The following UNK variants were observed in gnomAD, a reference collection of about 807,000 sequenced individuals.
UNK encodes unk zinc finger.
UNK carries 32 observed loss-of-function variants against 97.6 expected under a neutral mutation model. The observed-to-expected ratio is 0.33, with a 90% confidence interval of 0.25 to 0.44. UNK has a LOEUF of 0.44. Ranked by LOEUF, UNK falls within the 20% of genes least tolerant of loss-of-function variation. UNK has a pLI of 1.00. For missense variants in UNK, 771 were observed against 1,098.4 expected, an observed-to-expected ratio of 0.70 and a Z score of 4.21; for synonymous variants, 441 against 461.2, an observed-to-expected ratio of 0.96 and a Z score of 0.56.
chr17:75,787,299 C>A (rs1042593080), intron 1 of UNK, among the ~76,000 whole-genome samples: 11 of 152,084 alleles, frequency 7.2e-5, no homozygotes, highest in Non-Finnish European at 1.6e-4. Flanking sequence ...GTAGCCTCGA[C>A]CTCCCTGGCT....
At position 75,819,867 on chromosome 17, in the gene UNK, G is replaced by C; in HGVS notation, c.1649-53G>C. ...TCAGGCCCCTTGCTCTGTGTGGCCC[G>C]CCTGGCTTCCGCTGCCCTCACCCAG... is the stretch of plus-strand genomic sequence containing the variant. On this transcript the variant is annotated intron_variant, in intron 12 of 15. Transcript: ENST00000589666. The surrounding 1 kb of genome is among the most constrained non-coding windows in gnomAD (Gnocchi z 5.4). 3 of 1,602,836 alleles carry C rather than the reference G, an allele frequency of 1.9e-6. No homozygotes were observed. In the South Asian group the frequency reaches 3.3e-5, roughly 18 times the overall value.
chr17:75,818,788 C>T lies in UNK; in HGVS notation c.1518C>T (p.Pro506=). 6.2e-7 allele frequency: 1 copy of T among 1,610,456 alleles called. No homozygotes were observed. The change falls in exon 11 of 16, where the codon CCC becomes CCT. Residue 506 remains proline (P), a synonymous_variant. Coordinates refer to ENST00000589666, the MANE Select transcript of UNK (RefSeq NM_001080419.3). This position sits in a 1 kb window ranked among gnomAD's most constrained non-coding sequence, Gnocchi z 5.1. ...ATGCAAACGCTCTGCCCTTCTACCC[C>T]ACCAGCGACACGGTAGAGTCAGTCA... ...GMNANALPFY[P]TSDTVESVIE...
At chr17:75,790,012 G>A (rs576118402) in intron 1 of UNK, among the ~76,000 whole-genome samples, 4 of 152,148 alleles carry the variant, frequency 2.6e-5, no homozygotes, top group East Asian at 1.9e-4. Context: ...GCATGGTGGC[G>A]GGCGCCTGTA....
chr17:75,804,712 C>T (rs2061894384), intron 1 of UNK, among the ~76,000 whole-genome samples: 1 of 150,322 alleles, frequency 6.7e-6, no homozygotes, highest in African/African-American at 2.5e-5. Flanking sequence ...TGGTCACGGG[C>T]ACCTGTAATC....
chr17:75,815,044 G>T, intron 6 of UNK, 125 bp from the exon 7 acceptor site: 1 of 763,488 alleles, frequency 1.3e-6, no homozygotes, highest in Non-Finnish European at 2.2e-6. Context: ...TAGTGGAGGG[G>T]AGGGGAGGGG....
intron 1 of UNK, among the ~76,000 whole-genome samples, chr17:75,799,328 C>T (rs1374548446): frequency 6.6e-6 from 1 of 152,124 alleles, no homozygotes; most frequent in Non-Finnish European, 1.5e-5. Context: ...CTGTAATGGT[C>T]TCTGCACATT....
chr17:75,818,944 T>C lies in UNK; in HGVS notation c.1546+128T>C. Reference sequence around the variant, plus strand: ...CATCTGTCTTCGGAAAATCAGGGGATGGGCACTCTGAGTCCTTTGAGCTAA... The same window carrying C: ...CATCTGTCTTCGGAAAATCAGGGGACGGGCACTCTGAGTCCTTTGAGCTAA... On this transcript the variant is annotated intron_variant, in intron 11 of 15. Coordinates refer to ENST00000589666, the MANE Select transcript of UNK (RefSeq NM_001080419.3). The surrounding 1 kb of genome is among the most constrained non-coding windows in gnomAD (Gnocchi z 5.1). 8.8e-7 allele frequency: 1 copy of C among 1,131,870 alleles called. No homozygotes were observed. Among genetic ancestry groups the C allele is most frequent in the Non-Finnish European group, 1.2e-6 (1 of 826,028 alleles). The allele number at this position is 1,131,870 out of a possible 1,614,324, so 70.1% of individuals were successfully genotyped here.
At chr17:75,785,154 T>G in intron 1 of UNK, 170 bp downstream of exon 1, 1 of 507,236 alleles carries the variant, frequency 2.0e-6, no homozygotes, top group Non-Finnish European at 3.4e-6. Context: ...TGCCTCCAAC[T>G]GCCACCAACC....
chr17:75,813,353 G>A, intron 5 of UNK, 140 bp downstream of exon 5: 1 of 1,249,460 alleles, frequency 8.0e-7, no homozygotes, highest in African/African-American at 1.5e-5. Context: ...GGGCCCAGGG[G>A]AGGGCATAGT....
chr17:75,784,999 C>T lies in UNK; in HGVS notation c.104+15C>T. ...CAGCACTACACGTACGTAGAGCCCC[C>T]CCCCCCCCGCCGCGCGCGCACGCCT... On this transcript the variant is annotated intron_variant, in intron 1 of 15. Transcript: ENST00000589666. 4 of 1,390,654 alleles carry T rather than the reference C, an allele frequency of 2.9e-6. No homozygotes were observed. The highest frequency in any genetic ancestry group is 2.8e-5 in the East Asian group (1 of 35,386). The allele number at this position is 1,390,654 out of a possible 1,614,324, so 86.1% of individuals were successfully genotyped here.
chr17:75,804,564 A>C (rs2061892807), intron 1 of UNK, among the ~76,000 whole-genome samples: 1 of 150,320 alleles, frequency 6.7e-6, no homozygotes, highest in Admixed American at 6.6e-5. Context: ...CTGGCCAGGC[A>C]TGGTGGCTCA....
At chr17:75,798,645 C>T (rs913566056) in intron 1 of UNK, among the ~76,000 whole-genome samples, 1 of 152,042 alleles carries the variant, frequency 6.6e-6, no homozygotes, top group South Asian at 2.1e-4. Context: ...CATGCCTGGC[C>T]GATACCCAGC....
intron 1 of UNK, among the ~76,000 whole-genome samples, chr17:75,786,597 G>A (rs905589480): frequency 6.6e-6 from 1 of 152,154 alleles, no homozygotes; most frequent in African/African-American, 2.4e-5. Flanking sequence ...TAGCTCTCAC[G>A]CCTGTAATCA....
Position 75,784,830 on chromosome 17 carries a change from C to A in UNK, c.-51C>A. The A allele has an allele frequency of 1.3e-6, 2 of 1,581,750 alleles. No individual in the cohort carries two copies. The highest frequency in any genetic ancestry group is 8.7e-7 in the Non-Finnish European group (1 of 1,152,248). ...CGCACTGGGTCCTCGGCGCGGACCG[C>A]GCAGACTGAATAATAAAAGGGGAGC... On this transcript the variant is annotated 5_prime_UTR_variant, in exon 1 of 16. Coordinates refer to ENST00000589666, the MANE Select transcript of UNK (RefSeq NM_001080419.3).
chr17:75,817,046 ATC>A lies in UNK; in HGVS notation c.1104+137_1104+138del. The A allele has an allele frequency of 7.4e-7, 1 of 1,356,054 alleles. No individual in the cohort carries two copies. The highest frequency in any genetic ancestry group is 1.5e-5 in the South Asian group (1 of 65,798). The allele number at this position is 1,356,054 out of a possible 1,614,324, so 84.0% of individuals were successfully genotyped here. A position where few individuals can be genotyped will look rare whatever the true frequency, so the allele number is the denominator to read the frequency against. Reference sequence around the variant, plus strand: ...CAGGCCAGGGGGATCTGTCTTTTCCATCTCAGCATTCTTCGTCAAAAGTCCAG... The same window carrying A: ...CAGGCCAGGGGGATCTGTCTTTTCCATCAGCATTCTTCGTCAAAAGTCCAG... On this transcript the variant is annotated intron_variant, in intron 8 of 15. Coordinates refer to ENST00000589666, the MANE Select transcript of UNK (RefSeq NM_001080419.3). This position sits in a 1 kb window ranked among gnomAD's most constrained non-coding sequence, Gnocchi z 5.8.
chr17:75,803,988 A>G (rs1003636877), intron 1 of UNK, among the ~76,000 whole-genome samples: 10 of 152,376 alleles, frequency 6.6e-5, no homozygotes, highest in South Asian at 6.2e-4. Context: ...CATGTTGATG[A>G]CAGCAAATGT....
rs1421918110 is a variant in UNK at position 75,818,521 on chromosome 17, G to A, written c.1372-121G>A. The A allele has an allele frequency of 1.5e-5, 18 of 1,205,640 alleles. No homozygotes were observed. In the East Asian group the frequency reaches 3.8e-4, roughly 26 times the overall value. The allele number at this position is 1,205,640 out of a possible 1,614,324, so 74.7% of individuals were successfully genotyped here. A position where few individuals can be genotyped will look rare whatever the true frequency, so the allele number is the denominator to read the frequency against. On this transcript the variant is annotated intron_variant, in intron 10 of 15. Transcript: ENST00000589666. The surrounding 1 kb of genome is among the most constrained non-coding windows in gnomAD (Gnocchi z 5.1). Reference sequence around the variant, plus strand: ...TGTGCCGGGGCCCATGTGGGCATGGGGGCACCCGGACTAGAGCTAGCACGG... The same window carrying A: ...TGTGCCGGGGCCCATGTGGGCATGGAGGCACCCGGACTAGAGCTAGCACGG...
At position 75,817,357 on chromosome 17, in the gene UNK, C is replaced by T. The variant is rs374562823; in HGVS notation, c.1136C>T (p.Pro379Leu). The T allele has an allele frequency of 2.4e-5, 38 of 1,605,292 alleles. No homozygotes were observed. Among genetic ancestry groups the T allele is most frequent in the Middle Eastern group, 2.0e-4 (1 of 5,122 alleles). The change falls in exon 9 of 16, where the codon CCG becomes CTG. Residue 379 changes from proline to leucine, a missense_variant. Transcript: ENST00000589666. This position sits in a 1 kb window ranked among gnomAD's most constrained non-coding sequence, Gnocchi z 5.8. ...TGTAGAAACAGCAGCCTAGGCAGCC[C>T]GTCTAACCTCTGCGGCTCCCCACCG... ...LLCRNSSLGS[P>L]SNLCGSPPGS...
intron 1 of UNK, among the ~76,000 whole-genome samples, chr17:75,797,536 A>G (rs976393321): frequency 6.6e-6 from 1 of 152,242 alleles, no homozygotes. Context: ...CACCTGGCCT[A>G]TACTTGTTGA....
Sources: gnomAD v4.1 joint callset for allele counts (sites outside exome capture counted in the v4.1 genomes callset) on GRCh38, gnomAD v4.1.1 for gene constraint, Gnocchi (gnomAD v3.1) non-coding constraint, MANE v1.5 for transcripts, NCBI Gene and HGNC (gene_info 2026-07-23, HGNC 2026-07-21) for gene names.